The following ATG3 variants were observed in gnomAD, a reference collection of about 807,000 sequenced individuals.
ATG3 encodes autophagy related 3, also known as ubiquitin-like-conjugating enzyme ATG3.
ATG3 carries 25 observed loss-of-function variants against 50.7 expected under a neutral mutation model. That is an observed-to-expected ratio of 0.49 (90% CI 0.36 to 0.69). ATG3 has a LOEUF of 0.69. ATG3 is among the 30% of genes least tolerant of loss of function. The probability of loss-of-function intolerance (pLI) is 0.00; values close to 1 mark genes in which losing one functional copy is unlikely to be tolerated. For missense variants in ATG3, 281 were observed against 376.0 expected (o/e 0.75, Z 2.09); for synonymous variants, 119 against 125.5 (o/e 0.95, Z 0.34).
chr3:112,536,256 A>G, intron 10 of ATG3: 2 of 510,208 alleles, frequency 3.9e-6, no homozygotes, highest in Non-Finnish European at 6.8e-6. Flanking sequence ...GAACAAAAAA[A>G]TTCTTAACAT....
In ATG3 at chr3:112,550,273, A is replaced by T; in HGVS notation, c.165-11T>A. Reference sequence around the variant, plus strand: ...TCTTCCCCTGTAGCCCTTTAAAAACAGTGAAAAGCACCAAAATACAAAACA... The same window carrying T: ...TCTTCCCCTGTAGCCCTTTAAAAACTGTGAAAAGCACCAAAATACAAAACA... On this transcript the variant is annotated splice_polypyrimidine_tract_variant and intron_variant, in intron 3 of 11. Transcript: ENST00000283290. 6.2e-7 allele frequency: 1 copy of T among 1,602,094 alleles called. No individual in the cohort carries two copies. The highest frequency in any genetic ancestry group is 1.1e-5 in the South Asian group (1 of 89,798).
chr3:112,553,298 T>C lies in ATG3; in HGVS notation c.146A>G (p.His49Arg), dbSNP rs1286063631. The change falls in exon 3 of 12, where the codon CAC becomes CGC. Residue 49 changes from histidine to arginine, a missense_variant. His to Arg is a conservative substitution (Grantham distance 29, BLOSUM62 0). Around this residue, in one of 3 missense-constraint regions of ATG3, gnomAD observed 17 missense variants for 48.2 expected, o/e 0.35. Transcript: ENST00000283290. ...TACTTACCATTGCCATGTTGGACAG[T>C]GGTGGACTAGGTGATCTCCAGCTGC... ...FVAAGDHLVHHCPTWQWATGE... is the reference protein window; with the variant it reads ...FVAAGDHLVHRCPTWQWATGE... 1 of 1,611,722 alleles carries C rather than the reference T, an allele frequency of 6.2e-7. No homozygotes were observed. The highest frequency in any genetic ancestry group is 1.1e-5 in the South Asian group (1 of 91,020).
chr3:112,549,175 A>C (rs1309809018), intron 4 of ATG3, among the ~76,000 whole-genome samples: 1 of 152,226 alleles, frequency 6.6e-6, no homozygotes, highest in Non-Finnish European at 1.5e-5. Context: ...ACTTCTTTAT[A>C]CCACACTAGT....
At chr3:112,556,223 C>T (rs1242108522) in intron 2 of ATG3, among the ~76,000 whole-genome samples, 2 of 152,214 alleles carry the variant, frequency 1.3e-5, no homozygotes, top group Non-Finnish European at 2.9e-5. Context: ...CATGAAGCCT[C>T]GGCAGGGATA....
intron 9 of ATG3, 137 bp from the exon 10 acceptor site, chr3:112,536,739 G>A (rs912874453): frequency 2.5e-6 from 2 of 788,444 alleles, no homozygotes; most frequent in South Asian, 1.8e-5. Context: ...GGCTAACATG[G>A]TGAAACACCG....
chr3:112,553,966 C>A (rs1205254387), intron 2 of ATG3, among the ~76,000 whole-genome samples: 1 of 152,310 alleles, frequency 6.6e-6, no homozygotes, highest in Non-Finnish European at 1.5e-5. Flanking sequence ...AAATTGAATT[C>A]TCTCTAAAAA....
chr3:112,544,798 G>C (rs1270375571), intron 5 of ATG3, among the ~76,000 whole-genome samples: 1 of 151,846 alleles, frequency 6.6e-6, no homozygotes, highest in African/African-American at 2.4e-5. Context: ...TGAAGTGCTT[G>C]GGACCAGAAG....
intron 5 of ATG3, among the ~76,000 whole-genome samples, chr3:112,547,616 G>A (rs987519739): frequency 3.3e-5 from 5 of 152,160 alleles, no homozygotes; most frequent in African/African-American, 9.7e-5. Flanking sequence ...AGTGTTTTAG[G>A]ACTTAGAATA....
intron 10 of ATG3, chr3:112,536,135 C>T: frequency 1.8e-5 from 2 of 108,544 alleles, no homozygotes; most frequent in South Asian, 6.9e-5. Flanking sequence ...CACAGCAAAC[C>T]ATATCTAAAT....
intron 10 of ATG3, chr3:112,534,549 G>A (rs750867939): frequency 6.3e-5 from 18 of 285,834 alleles, no homozygotes; most frequent in Non-Finnish European, 9.5e-5. Flanking sequence ...CTCCACTTCC[G>A]AAACACAAAA....
At chr3:112,544,286 AT>A (rs1933313789) in intron 5 of ATG3, among the ~76,000 whole-genome samples, 180 bp from the exon 6 acceptor site, 1 of 152,152 alleles carries the variant, frequency 6.6e-6, no homozygotes, top group African/African-American at 2.4e-5. Context: ...ACCTCCTCAA[AT>A]TTTGAAAAAC....
intron 2 of ATG3, among the ~76,000 whole-genome samples, chr3:112,553,602 T>A (rs1933585544): frequency 1.3e-5 from 2 of 152,210 alleles, no homozygotes; most frequent in African/African-American, 4.8e-5. Context: ...TCAGTTTTTA[T>A]AATTGGATTA....
Position 112,541,890 on chromosome 3 carries a change from AAATT to A in ATG3, c.394-10_394-7del. The A allele has an allele frequency of 6.2e-7, 1 of 1,601,288 alleles. No individual in the cohort carries two copies. Among genetic ancestry groups the A allele is most frequent in the Non-Finnish European group, 8.5e-7 (1 of 1,171,544 alleles). On this transcript the variant is annotated splice_region_variant and splice_polypyrimidine_tract_variant and intron_variant, in intron 6 of 11. Transcript: ENST00000283290. The stretch of plus-strand genomic sequence containing the variant: ...TCTTGAAGCCTTATATTGTCCTTTG[AAATT>A]AATTATATTTAAAATCACTTAAGTA...
intron 7 of ATG3, among the ~76,000 whole-genome samples, chr3:112,540,301 C>T (rs1012862899): frequency 7.9e-5 from 12 of 152,188 alleles, no homozygotes; most frequent in African/African-American, 2.7e-4. Flanking sequence ...GCAAGCATCA[C>T]TTGCCATTAT....
At chr3:112,558,096 C>G (rs1298016439) in intron 2 of ATG3, 6 of 383,440 alleles carry the variant, frequency 1.6e-5, no homozygotes. Context: ...AACACCAATA[C>G]AAGTCAAGGA....
At chr3:112,560,803 T>C (rs531219431) in intron 1 of ATG3, among the ~76,000 whole-genome samples, 3 of 152,314 alleles carry the variant, frequency 2.0e-5, no homozygotes, top group East Asian at 3.9e-4. Context: ...CTGTTGCCAA[T>C]ATATTTTTAA....
At chr3:112,541,305 T>C (rs920540331) in intron 7 of ATG3, among the ~76,000 whole-genome samples, 4 of 151,922 alleles carry the variant, frequency 2.6e-5, no homozygotes, top group African/African-American at 4.8e-5. Context: ...GAGAATCACC[T>C]GAACCTGGGA....
chr3:112,559,732 T>C (rs1933788620), intron 1 of ATG3, among the ~76,000 whole-genome samples: 2 of 152,174 alleles, frequency 1.3e-5, no homozygotes, highest in Non-Finnish European at 2.9e-5. Flanking sequence ...AATAAAGAGA[T>C]CAGGTTAGCT....
intron 2 of ATG3, among the ~76,000 whole-genome samples, chr3:112,556,985 C>T (rs1470026383): frequency 1.3e-5 from 2 of 151,590 alleles, no homozygotes; most frequent in African/African-American, 4.9e-5. Flanking sequence ...CCTGCCAAAT[C>T]CCCCTCTGCG....
Sources: gnomAD v4.1 joint callset for allele counts (sites outside exome capture counted in the v4.1 genomes callset) on GRCh38, gnomAD v4.1.1 for gene constraint, gnomAD v4.1.1 regional missense constraint, MANE v1.5 for transcripts, NCBI Gene and HGNC (gene_info 2026-07-23, HGNC 2026-07-21) for gene names.